The following C1QTNF3 variants were observed in gnomAD, a reference collection of about 807,000 sequenced individuals.
C1QTNF3 encodes complement C1q tumor necrosis factor-related protein 3.
In C1QTNF3, 26 loss-of-function variants were observed where a neutral mutation model predicts 32.6. The ratio of observed to expected loss-of-function variants is 0.80; its 90% CI spans 0.58 to 1.11. The LOEUF (loss-of-function observed/expected upper bound fraction) is 1.11. C1QTNF3 is among the 50% of genes least tolerant of loss of function. C1QTNF3 has a pLI of 0.00. For missense variants in C1QTNF3, 362 were observed against 398.2 expected, an observed-to-expected ratio of 0.91 and a Z score of 0.77; for synonymous variants, 155 against 146.0, an observed-to-expected ratio of 1.06 and a Z score of -0.44.
At chr5:34,059,748 T>C in the C1QTNF3 span, among the ~76,000 whole-genome samples, 5 of 152,312 alleles carry the variant, frequency 3.3e-5, no homozygotes, top group African/African-American at 9.6e-5. Context: ...TCTCCAAATA[T>C]AGTCATATGC....
chr5:34,036,043 C>G (rs945292941), intron 1 of C1QTNF3, among the ~76,000 whole-genome samples: 1 of 152,172 alleles, frequency 6.6e-6, no homozygotes, highest in Non-Finnish European at 1.5e-5. Context: ...CTGGAAAGTG[C>G]CTTCCTGCTG....
chr5:34,163,088 C>T, the C1QTNF3 span, among the ~76,000 whole-genome samples: 1 of 152,160 alleles, frequency 6.6e-6, no homozygotes, highest in Admixed American at 6.6e-5. Context: ...AACTTCTGTA[C>T]AAATTACATT....
At chr5:34,175,105 G>A in the C1QTNF3 span, among the ~76,000 whole-genome samples, 2 of 147,770 alleles carry the variant, frequency 1.4e-5, no homozygotes, top group African/African-American at 5.0e-5. Flanking sequence ...GTGCAGTGGT[G>A]TAATCACAGC....
chr5:34,071,144 A>G, the C1QTNF3 span, among the ~76,000 whole-genome samples: 1 of 152,214 alleles, frequency 6.6e-6, no homozygotes, highest in Non-Finnish European at 1.5e-5. Flanking sequence ...ACCAAACATT[A>G]AAGCTTATTT....
the C1QTNF3 span, among the ~76,000 whole-genome samples, chr5:34,058,075 A>G: frequency 6.6e-6 from 1 of 152,218 alleles, no homozygotes; most frequent in South Asian, 2.1e-4. Flanking sequence ...ACAAGCACGT[A>G]TCTACCACAC....
the C1QTNF3 span, among the ~76,000 whole-genome samples, chr5:34,139,597 A>T: frequency 6.6e-6 from 1 of 151,590 alleles, no homozygotes; most frequent in Admixed American, 6.6e-5. Flanking sequence ...GGATTACTAG[A>T]AACAATATAT....
the C1QTNF3 span, among the ~76,000 whole-genome samples, chr5:34,070,108 C>T: frequency 6.6e-6 from 1 of 152,156 alleles, no homozygotes; most frequent in Non-Finnish European, 1.5e-5. Context: ...GGATACACAG[C>T]TAGCCTACAT....
the C1QTNF3 span, among the ~76,000 whole-genome samples, chr5:34,235,382 G>A: frequency 2.0e-5 from 3 of 152,052 alleles, no homozygotes; most frequent in African/African-American, 7.2e-5. Context: ...GATGCTACTG[G>A]TATGTGGTGG....
At chr5:34,205,341 A>G in the C1QTNF3 span, among the ~76,000 whole-genome samples, 1 of 152,148 alleles carries the variant, frequency 6.6e-6, no homozygotes, top group African/African-American at 2.4e-5. Flanking sequence ...AGATGGTGAT[A>G]TGGTTTACAT....
chr5:34,068,633 G>T, the C1QTNF3 span, among the ~76,000 whole-genome samples: 1 of 151,876 alleles, frequency 6.6e-6, no homozygotes, highest in East Asian at 1.9e-4. Context: ...ATTTCCATAA[G>T]CTTAGTTACA....
chr5:34,194,962 C>T, the C1QTNF3 span, among the ~76,000 whole-genome samples: 1 of 151,414 alleles, frequency 6.6e-6, no homozygotes, highest in East Asian at 1.9e-4. Flanking sequence ...TCAGTACAGA[C>T]GCAATTTTTT....
the C1QTNF3 span, among the ~76,000 whole-genome samples, chr5:34,243,800 C>T: frequency 2.0e-4 from 30 of 151,678 alleles, 1 homozygote; most frequent in African/African-American, 7.3e-4. Flanking sequence ...ACAAGACATG[C>T]TGCAGGCTAT....
the C1QTNF3 span, among the ~76,000 whole-genome samples, chr5:34,161,185 C>T: frequency 6.6e-6 from 1 of 152,250 alleles, no homozygotes; most frequent in Non-Finnish European, 1.5e-5. Flanking sequence ...TTAAGTTCAC[C>T]ATATCCATGG....
chr5:34,126,516 C>T, the C1QTNF3 span, among the ~76,000 whole-genome samples: 1 of 148,498 alleles, frequency 6.7e-6, no homozygotes, highest in Non-Finnish European at 1.5e-5. Flanking sequence ...AATAGTACAA[C>T]CACTACAGAA....
the C1QTNF3 span, among the ~76,000 whole-genome samples, chr5:34,176,260 G>C: frequency 3.6e-5 from 5 of 140,158 alleles, no homozygotes; most frequent in East Asian, 1.2e-3. Context: ...TTGTGCGGTG[G>C]GGGGAGGGGG....
chr5:34,034,807 G>T (rs1250012803), intron 2 of C1QTNF3, among the ~76,000 whole-genome samples: 1 of 152,194 alleles, frequency 6.6e-6, no homozygotes, highest in Non-Finnish European at 1.5e-5. Context: ...CAATGACATA[G>T]ATTCCAAGCC....
the C1QTNF3 span, among the ~76,000 whole-genome samples, chr5:34,214,483 T>C: frequency 1.3e-4 from 19 of 151,296 alleles, 1 homozygote; most frequent in Admixed American, 1.3e-3. Flanking sequence ...TTTTTAAATA[T>C]AGTCTTTATA....
chr5:34,073,056 G>A, the C1QTNF3 span, among the ~76,000 whole-genome samples: 443 of 152,256 alleles, frequency 2.9e-3, 3 homozygotes, highest in African/African-American at 0.01. Context: ...GGCCGGGCGC[G>A]GTGACTCACG....
the C1QTNF3 span, among the ~76,000 whole-genome samples, chr5:34,213,710 A>ATATATATGTGTC: frequency 7.0e-6 from 1 of 142,122 alleles, no homozygotes; most frequent in African/African-American, 2.6e-5. Context: ...ATATATGTGT[A>ATATATATGTGTC]TATATATGTA....
Sources: gnomAD v4.1 joint callset for allele counts (sites outside exome capture counted in the v4.1 genomes callset) on GRCh38, gnomAD v4.1.1 for gene constraint, MANE v1.5 for transcripts, NCBI Gene and HGNC (gene_info 2026-07-23, HGNC 2026-07-21) for gene names.